ZNF469: variants seen among roughly 807,000 people sequenced by gnomAD.
ZNF469 encodes the protein zinc finger protein 469.
Under a neutral mutation model 1.0 loss-of-function variants are expected in ZNF469, and 1 was observed. The observed-to-expected ratio is 1.00, with a 90% CI of 0.35 to 4.73. ZNF469 has a LOEUF of 4.73. Among genes scored for constraint, ZNF469 ranks in the 30% most tolerant of loss-of-function variants. ZNF469 has a pLI of 0.16. For synonymous variants in ZNF469, 2,703 were observed against 2,363.4 expected (o/e 1.14, Z -4.17); for missense variants, 6,100 against 5,356.3 (o/e 1.14, Z -4.33).
At chr16:88,141,995 C>A in the ZNF469 span, among the ~76,000 whole-genome samples, 1 of 152,246 alleles carries the variant, frequency 6.6e-6, no homozygotes, top group Admixed American at 6.5e-5. Flanking sequence ...GTGACTGCAG[C>A]CGCAGGAGGC....
Position 88,430,468 on chromosome 16 carries a change from C to G in ZNF469, c.2998C>G (p.Gln1000Glu). Residue 1000 changes from glutamine to glutamate, a missense_variant, in exon 3 of 3, where the codon CAG becomes GAG. By Grantham distance (29) the Gln-to-Glu change is conservative. Transcript: ENST00000565624. ...ACCCCGTCCCCGGCGCCCTAGAACG[C>G]AGGCCCCCGGGAGCCGCGCAGACCC... ...PPPRPRRPRT[Q>E]APGSRADPAP... 6.8e-7 allele frequency: 1 copy of G among 1,463,782 alleles called. No homozygotes were observed. The highest frequency in any genetic ancestry group is 9.0e-7 in the Non-Finnish European group (1 of 1,116,214). 90.7% of individuals were successfully genotyped at this position (1,463,782 alleles called of 1,614,324 possible).
chr16:88,333,077 TAGAG>T, the ZNF469 span, among the ~76,000 whole-genome samples: 1 of 152,100 alleles, frequency 6.6e-6, no homozygotes, highest in Non-Finnish European at 1.5e-5. Context: ...CGGTAAACCT[TAGAG>T]GGAGGAGGCC....
At chr16:88,280,335 G>A in the ZNF469 span, among the ~76,000 whole-genome samples, 10 of 151,784 alleles carry the variant, frequency 6.6e-5, no homozygotes, top group Admixed American at 1.3e-4. Flanking sequence ...TTAGTGCTGC[G>A]CTACGCCGAC....
upstream of ZNF469, among the ~76,000 whole-genome samples, chr16:88,381,173 CACAG>C (rs1376521431): frequency 6.8e-6 from 1 of 147,608 alleles, no homozygotes; most frequent in Admixed American, 6.7e-5. Context: ...CGCCCTCACA[CACAG>C]ACATGCACTC....
chr16:88,168,087 G>T, the ZNF469 span, among the ~76,000 whole-genome samples: 2 of 152,182 alleles, frequency 1.3e-5, no homozygotes, highest in Middle Eastern at 3.2e-3. This position sits in a 1 kb window ranked among gnomAD's most constrained non-coding sequence, Gnocchi z 4.3. Context: ...TTTACACTTC[G>T]TTCATCAAAA....
At chr16:88,322,690 G>GT in the ZNF469 span, among the ~76,000 whole-genome samples, 1 of 152,222 alleles carries the variant, frequency 6.6e-6, no homozygotes, top group African/African-American at 2.4e-5. Context: ...TCAGTCAGGG[G>GT]TCGCCCTTGC....
At chr16:88,382,568 G>A (rs1392002104), upstream of ZNF469, among the ~76,000 whole-genome samples, 1 of 152,244 alleles carries the variant, frequency 6.6e-6, no homozygotes, top group Non-Finnish European at 1.5e-5. Context: ...ACTTGCCCAG[G>A]CAGGTGCCAG....
chr16:88,121,968 A>G, the ZNF469 span, among the ~76,000 whole-genome samples: 2 of 152,142 alleles, frequency 1.3e-5, no homozygotes, highest in East Asian at 3.8e-4. Context: ...CAGAAGCCAA[A>G]TAAACAGTGT....
chr16:88,132,062 C>A, the ZNF469 span, among the ~76,000 whole-genome samples: 1 of 152,218 alleles, frequency 6.6e-6, no homozygotes, highest in Admixed American at 6.5e-5. Flanking sequence ...GGCTTTGAAT[C>A]ACGGCCTGGA....
intron 1 of ZNF469, among the ~76,000 whole-genome samples, chr16:88,410,142 G>A (rs531496636): frequency 2.0e-4 from 30 of 152,352 alleles, no homozygotes; most frequent in Non-Finnish European, 4.3e-4. Flanking sequence ...AAGCCCAACT[G>A]TTCACGGAGA....
chr16:88,389,352 G>A (rs1443407031), intron 1 of ZNF469, among the ~76,000 whole-genome samples: 5 of 152,218 alleles, frequency 3.3e-5, no homozygotes, highest in Non-Finnish European at 5.9e-5. Context: ...TCGTCTTTGC[G>A]GCTGAGCGCT....
the ZNF469 span, among the ~76,000 whole-genome samples, chr16:88,286,430 C>G: frequency 0.023 from 3,493 of 152,334 alleles, 127 homozygotes; most frequent in African/African-American, 0.078. Flanking sequence ...TCTCCCTGCC[C>G]CATCCTCTCC....
the ZNF469 span, among the ~76,000 whole-genome samples, chr16:88,368,259 C>G: frequency 6.6e-3 from 1,001 of 152,344 alleles, 14 homozygotes; most frequent in African/African-American, 0.021. Context: ...ACAGAACCCA[C>G]GGGCAGATAC....
At chr16:88,399,835 C>T (rs1016673671) in intron 1 of ZNF469, among the ~76,000 whole-genome samples, 2 of 152,224 alleles carry the variant, frequency 1.3e-5, no homozygotes, top group African/African-American at 2.4e-5. Context: ...GAGCCTGGGA[C>T]AGCAGCCAGG....
chr16:88,429,735 G>C lies in ZNF469; in HGVS notation c.2265G>C (p.Leu755=), dbSNP rs745465850. Residue 755 remains leucine, a synonymous_variant, in exon 3 of 3, where the codon CTG becomes CTC. Coordinates refer to ENST00000565624, the MANE Select transcript of ZNF469 (RefSeq NM_001367624.2). ...AFLAHRQFCG[L]LLARAKDGHQ... ...TGGCCCACCGGCAGTTCTGTGGCCT[G>C]CTCCTGGCCAGGGCCAAGGATGGCC... is the stretch of plus-strand genomic sequence containing the variant. 1.6e-5 allele frequency: 25 copies of C among 1,544,568 alleles called. No individual in the cohort carries two copies. The South Asian group carries it at 2.3e-4, about 14-fold the overall frequency.
chr16:88,330,329 G>A, the ZNF469 span, among the ~76,000 whole-genome samples: 5 of 152,184 alleles, frequency 3.3e-5, no homozygotes, highest in South Asian at 2.1e-4. Flanking sequence ...TGTCGGATAC[G>A]GTCCTGGAAG....
chr16:88,412,638 G>A (rs56071143), intron 1 of ZNF469, among the ~76,000 whole-genome samples: 14,169 of 152,156 alleles, frequency 0.093, 974 homozygotes, highest in African/African-American at 0.18. Flanking sequence ...GGACAGGGAG[G>A]GCAGTCTGTC....
chr16:88,329,396 CG>C, the ZNF469 span, among the ~76,000 whole-genome samples: 53 of 152,346 alleles, frequency 3.5e-4, no homozygotes, highest in African/African-American at 1.3e-3. Flanking sequence ...TCCCACCAAC[CG>C]CACATCGCTG....
chr16:88,249,417 C>CTT, the ZNF469 span, among the ~76,000 whole-genome samples: 2 of 92,978 alleles, frequency 2.2e-5, no homozygotes, highest in Non-Finnish European at 3.8e-5. Flanking sequence ...CTTTTTCTTT[C>CTT]TTTTTCTTTT....
Sources: allele counts gnomAD v4.1 joint callset (sites outside exome capture counted in the v4.1 genomes callset), GRCh38; gene constraint gnomAD v4.1.1; non-coding constraint Gnocchi (gnomAD v3.1); transcripts MANE v1.5; gene names NCBI Gene and HGNC (gene_info 2026-07-23, HGNC 2026-07-21).